The following C2orf92 variants were observed in gnomAD, a reference collection of about 807,000 sequenced individuals.
C2orf92 encodes the protein chromosome 2 open reading frame 92, also known as uncharacterized protein C2orf92.
upstream of C2orf92, chr2:97,664,175 T>C (rs189051742): frequency 4.9e-6 from 1 of 202,586 alleles, no homozygotes; most frequent in Non-Finnish European, 9.9e-6. Context: ...CGGAAAAAAG[T>C]GGTCGCGGCG....
At chr2:97,676,548 CAG>C (rs1675591540) in intron 3 of C2orf92, among the ~76,000 whole-genome samples, 1 of 150,702 alleles carries the variant, frequency 6.6e-6, no homozygotes, top group South Asian at 2.1e-4. Flanking sequence ...TGCTGGAGGA[CAG>C]AAGTTCAGGA....
At chr2:97,696,830 A>G (rs1427171958) in intron 5 of C2orf92, among the ~76,000 whole-genome samples, 2 of 152,230 alleles carry the variant, frequency 1.3e-5, no homozygotes, top group Non-Finnish European at 2.9e-5. Context: ...AGTGTCTTTT[A>G]AAAGGTGTGC....
rs968216145 is a variant in C2orf92, at chr2:97,703,021, C to G, written c.*220C>G. On this transcript the variant is annotated 3_prime_UTR_variant, in exon 8 of 8. Transcript: ENST00000627399. The stretch of plus-strand genomic sequence containing the variant: ...GGCTGGCGTCGGTGAACCCGACAGA[C>G]TATGGATTTATCATTTAATAAAGCA... 2 of 375,150 alleles carry G rather than the reference C, an allele frequency of 5.3e-6. No homozygotes were observed. The highest frequency in any genetic ancestry group is 9.4e-6 in the Non-Finnish European group (2 of 211,992). The allele number at this position is 375,150 out of a possible 1,614,324, so 23.2% of individuals were successfully genotyped here. A position where few individuals can be genotyped will look rare whatever the true frequency, so the allele number is the denominator to read the frequency against.
At chr2:97,699,579 TG>T (rs897361251) in intron 6 of C2orf92, among the ~76,000 whole-genome samples, 1 of 152,172 alleles carries the variant, frequency 6.6e-6, no homozygotes, top group African/African-American at 2.4e-5. Flanking sequence ...CACTCCAGCC[TG>T]GGCAACAAGA....
chr2:97,674,694 G>A (rs147630564), intron 2 of C2orf92, 137 bp downstream of exon 2: 1 of 394,894 alleles, frequency 2.5e-6, no homozygotes, highest in African/African-American at 2.1e-5. Context: ...AAACTGAGAT[G>A]TGAAGAACTC....
intron 5 of C2orf92, among the ~76,000 whole-genome samples, chr2:97,691,589 A>G (rs566674382): frequency 4.5e-4 from 68 of 152,292 alleles, no homozygotes; most frequent in African/African-American, 1.6e-3. Context: ...CAGGCCAAAT[A>G]GGTCACTGTC....
Position 97,681,731 on chromosome 2 carries a change from G to A in C2orf92, c.232+5803G>A, listed in dbSNP as rs906192666. Among the ~76,000 whole-genome samples the A allele has an allele frequency of 2.6e-5, 4 of 152,100 alleles. No individual in the cohort carries two copies. In the East Asian group the frequency reaches 5.8e-4, roughly 22 times the overall value. ...AAATTAGCTGGGCGTGGTGGCGGGC[G>A]CCTGTAGTCCCAGCTATTTGGGAGG... is the stretch of plus-strand genomic sequence containing the variant. On this transcript the variant is annotated intron_variant, in intron 3 of 7. Transcript: ENST00000627399.
chr2:97,699,932 C>A (rs1676437357), intron 6 of C2orf92, among the ~76,000 whole-genome samples: 1 of 152,248 alleles, frequency 6.6e-6, no homozygotes, highest in South Asian at 2.1e-4. Context: ...GCTGGACATG[C>A]CCTGTTTTCT....
intron 7 of C2orf92, among the ~76,000 whole-genome samples, chr2:97,701,584 A>G (rs1263119365): frequency 2.0e-5 from 3 of 152,230 alleles, no homozygotes; most frequent in African/African-American, 7.2e-5. Flanking sequence ...ACCTGTCCCC[A>G]TATTGAGGGC....
At chr2:97,700,422 C>T (rs1573231690) in intron 6 of C2orf92, among the ~76,000 whole-genome samples, 1 of 152,134 alleles carries the variant, frequency 6.6e-6, no homozygotes, top group South Asian at 2.1e-4. Context: ...GCAGAGTGTT[C>T]GCCTCCATTG....
At chr2:97,681,879 T>C (rs1006671608) in intron 3 of C2orf92, among the ~76,000 whole-genome samples, 1 of 151,166 alleles carries the variant, frequency 6.6e-6, no homozygotes, top group Non-Finnish European at 1.5e-5. Flanking sequence ...GGGGGGATCT[T>C]AAATAAATAA....
chr2:97,698,897 A>C, intron 5 of C2orf92, 129 bp from the exon 6 acceptor site: 1 of 394,980 alleles, frequency 2.5e-6, no homozygotes, highest in Non-Finnish European at 4.5e-6. Context: ...TCTGTAGGAC[A>C]TTTAGACTTT....
intron 3 of C2orf92, among the ~76,000 whole-genome samples, chr2:97,684,137 A>G (rs1476087940): frequency 2.7e-5 from 4 of 146,662 alleles, no homozygotes; most frequent in African/African-American, 1.0e-4. Flanking sequence ...CCAGGTTCAC[A>G]CCATTCTCCT....
At chr2:97,700,917 G>C (rs1040282602) in intron 6 of C2orf92, among the ~76,000 whole-genome samples, 1 of 152,014 alleles carries the variant, frequency 6.6e-6, no homozygotes, top group African/African-American at 2.4e-5. Context: ...ATTTTTAGTA[G>C]AGACGGGGTT....
upstream of C2orf92, chr2:97,666,051 A>T (rs1675221768): frequency 1.3e-5 from 2 of 152,098 alleles, no homozygotes; most frequent in African/African-American, 2.4e-5. Context: ...AAGTGCTGGG[A>T]TTACAGGTGT....
intron 3 of C2orf92, among the ~76,000 whole-genome samples, chr2:97,679,831 CTA>C (rs1675705596): frequency 9.1e-6 from 1 of 110,418 alleles, no homozygotes; most frequent in Non-Finnish European, 1.9e-5. Flanking sequence ...GAGTGAAACT[CTA>C]TCTCAAAAAA....
chr2:97,686,879 G>T (rs753270074), intron 3 of C2orf92, among the ~76,000 whole-genome samples: 4 of 152,140 alleles, frequency 2.6e-5, no homozygotes, highest in Non-Finnish European at 5.9e-5. Context: ...TTAGCTGGGT[G>T]TGGTGGCGTG....
intron 3 of C2orf92, among the ~76,000 whole-genome samples, chr2:97,685,646 T>G (rs572818275): frequency 1.3e-5 from 2 of 151,824 alleles, no homozygotes; most frequent in Non-Finnish European, 2.9e-5. Flanking sequence ...CACTGCAACC[T>G]CCACCTCCCA....
intron 3 of C2orf92, 74 bp from the exon 4 acceptor site, chr2:97,688,821 T>C (rs1312279290): frequency 2.5e-6 from 1 of 398,152 alleles, no homozygotes; most frequent in East Asian, 3.6e-5. Context: ...CATAGACTGC[T>C]TTAGGTACTT....
Sources: allele counts gnomAD v4.1 joint callset (sites outside exome capture counted in the v4.1 genomes callset), GRCh38; gene constraint gnomAD v4.1.1; transcripts MANE v1.5; gene names NCBI Gene and HGNC (gene_info 2026-07-23, HGNC 2026-07-21).